ST8SIA6: variants seen among roughly 807,000 people sequenced by gnomAD.
The protein encoded by ST8SIA6 is alpha-2,8-sialyltransferase 8F.
In ST8SIA6, 39 loss-of-function variants were observed where a neutral mutation model predicts 33.6. The observed-to-expected ratio is 1.16, with a 90% CI of 0.90 to 1.52. ST8SIA6 has a LOEUF of 1.52. ST8SIA6 is among the 40% of genes most tolerant of loss of function. The pLI, the probability that ST8SIA6 is intolerant of heterozygous loss-of-function variation, is 0.00. For missense variants in ST8SIA6, 441 were observed against 443.8 expected (o/e 0.99, Z 0.06); for synonymous variants, 172 against 167.2 (o/e 1.03, Z -0.22).
intron 2 of ST8SIA6, among the ~76,000 whole-genome samples, chr10:17,397,392 G>A (rs1850850765): frequency 6.6e-6 from 1 of 151,914 alleles, no homozygotes; most frequent in South Asian, 2.1e-4. Context: ...CTGCCACCAC[G>A]ACTGGCTAAT....
At chr10:17,391,326 A>G (rs931773174) in intron 2 of ST8SIA6, among the ~76,000 whole-genome samples, 9 of 151,822 alleles carry the variant, frequency 5.9e-5, no homozygotes. Flanking sequence ...GCAGTGGTGC[A>G]TCTCGACTCA....
intron 2 of ST8SIA6, among the ~76,000 whole-genome samples, chr10:17,438,413 T>C (rs1045023973): frequency 6.6e-6 from 1 of 152,110 alleles, no homozygotes; most frequent in Non-Finnish European, 1.5e-5. Flanking sequence ...GGACCCCAGC[T>C]GGTAACATAT....
At chr10:17,432,835 C>T (rs1445728443) in intron 2 of ST8SIA6, among the ~76,000 whole-genome samples, 1 of 152,230 alleles carries the variant, frequency 6.6e-6, no homozygotes, top group Non-Finnish European at 1.5e-5. Context: ...ATCCCAGCGG[C>T]CATACTTCAA....
chr10:17,338,617 T>C (rs1206919373), intron 4 of ST8SIA6, among the ~76,000 whole-genome samples: 2 of 152,330 alleles, frequency 1.3e-5, no homozygotes, highest in South Asian at 2.1e-4. Flanking sequence ...TATCATACAA[T>C]GTACATATAA....
intron 2 of ST8SIA6, among the ~76,000 whole-genome samples, chr10:17,418,908 G>A (rs985167220): frequency 2.1e-5 from 3 of 145,714 alleles, no homozygotes; most frequent in Non-Finnish European, 3.0e-5. Flanking sequence ...CAGGAGAATC[G>A]CTTGAACCTG....
At chr10:17,435,902 T>C (rs1401371808) in intron 2 of ST8SIA6, among the ~76,000 whole-genome samples, 1 of 152,194 alleles carries the variant, frequency 6.6e-6, no homozygotes, top group African/African-American at 2.4e-5. Flanking sequence ...TCTGTGAAAG[T>C]TGATTATGTG....
At chr10:17,373,154 T>C (rs964924429) in intron 3 of ST8SIA6, among the ~76,000 whole-genome samples, 1 of 152,290 alleles carries the variant, frequency 6.6e-6, no homozygotes, top group East Asian at 1.9e-4. Context: ...TCACCTCTGA[T>C]TGGACGGAGG....
At position 17,404,765 on chromosome 10, in the gene ST8SIA6, ATC is replaced by A. The variant is rs1377037565; in HGVS notation, c.201-14147_201-14146del. 3.3e-5 allele frequency among the ~76,000 whole-genome samples: 5 copies of A among 151,982 alleles called. No individual in the cohort carries two copies. The South Asian group carries it at 8.3e-4, about 25-fold the overall frequency. ...TTCCTTGTATTCGAAGTTGACCCCA[ATC>A]TCTCTTTCCTACTGCAAACCTCATT... On this transcript the variant is annotated intron_variant, in intron 2 of 7. Coordinates refer to ENST00000377602, the MANE Select transcript of ST8SIA6 (RefSeq NM_001004470.3).
chr10:17,365,537 C>G (rs545245014), intron 3 of ST8SIA6, among the ~76,000 whole-genome samples: 3 of 152,282 alleles, frequency 2.0e-5, no homozygotes, highest in East Asian at 3.9e-4. Flanking sequence ...TCATCCTGCT[C>G]CATCCTGCCT....
chr10:17,444,805 G>C (rs985848814), intron 2 of ST8SIA6, among the ~76,000 whole-genome samples: 5 of 152,148 alleles, frequency 3.3e-5, no homozygotes, highest in Non-Finnish European at 5.9e-5. Context: ...AACAGAGATG[G>C]GGGAGAAACC....
At chr10:17,395,061 G>A (rs1850759137) in intron 2 of ST8SIA6, among the ~76,000 whole-genome samples, 1 of 152,130 alleles carries the variant, frequency 6.6e-6, no homozygotes, top group Non-Finnish European at 1.5e-5. Flanking sequence ...CCCTGTCGGA[G>A]ATAATTGAAT....
chr10:17,360,779 C>G (rs544628538), intron 3 of ST8SIA6, among the ~76,000 whole-genome samples: 1 of 152,034 alleles, frequency 6.6e-6, no homozygotes, highest in South Asian at 2.1e-4. Context: ...AAATAGAGAA[C>G]AAACAGCAAG....
In ST8SIA6 at chr10:17,359,527, ATTC is replaced by A; in HGVS notation, c.361_363del (p.Glu121del). ...GAAAAAAATTACCTAAAATTTGCAT[ATTC>A]TTCTGCTTGCCGTTTCCATGGACAA... On this transcript the variant is annotated inframe_deletion, in exon 4 of 8. Transcript: ENST00000377602. The A allele has an allele frequency of 1.9e-6, 3 of 1,604,428 alleles. No homozygotes were observed. The highest frequency in any genetic ancestry group is 2.3e-5 in the South Asian group (2 of 88,518).
intron 3 of ST8SIA6, among the ~76,000 whole-genome samples, chr10:17,367,347 A>G (rs1240283289): frequency 1.3e-5 from 2 of 152,186 alleles, no homozygotes; most frequent in Non-Finnish European, 2.9e-5. Flanking sequence ...TTATAAAACC[A>G]TCAGATCTCT....
intron 2 of ST8SIA6, among the ~76,000 whole-genome samples, chr10:17,436,746 T>C (rs61844068): frequency 0.39 from 58,532 of 151,278 alleles, 15,000 homozygotes; most frequent in African/African-American, 0.73. Context: ...TGTATATGTG[T>C]CACATTTTCT....
At chr10:17,394,181 G>A (rs1034413020) in intron 2 of ST8SIA6, among the ~76,000 whole-genome samples, 5 of 151,860 alleles carry the variant, frequency 3.3e-5, no homozygotes, top group East Asian at 1.9e-4. Flanking sequence ...GTTTAGTTGC[G>A]CAAACTAAAA....
Position 17,323,081 on chromosome 10 carries a change from T to C in ST8SIA6, c.712A>G (p.Ser238Gly). 2.5e-6 allele frequency: 4 copies of C among 1,613,248 alleles called. No individual in the cohort carries two copies. Among genetic ancestry groups the C allele is most frequent in the Non-Finnish European group, 3.4e-6 (4 of 1,179,478 alleles). ...SKTNLVTINP[S>G]IITLKYGNLK... ...GCTACTTACTTCAGAGTTATGATGC[T>C]TGGATTTATAGTCACAAGATTTGTT... Residue 238 changes from serine to glycine, a missense_variant, in exon 7 of 8, where the codon AGC becomes GGC. Transcript: ENST00000377602.
intron 4 of ST8SIA6, among the ~76,000 whole-genome samples, chr10:17,350,741 C>T (rs1376930737): frequency 6.6e-6 from 1 of 152,020 alleles, no homozygotes; most frequent in Non-Finnish European, 1.5e-5. Flanking sequence ...ATCCCAGCAA[C>T]CTACAGGGGA....
intron 2 of ST8SIA6, among the ~76,000 whole-genome samples, chr10:17,444,426 T>C (rs912250840): frequency 6.6e-6 from 1 of 152,148 alleles, no homozygotes; most frequent in Non-Finnish European, 1.5e-5. Context: ...AAATTCCACC[T>C]CCAACAACCT....
Sources: gnomAD v4.1 joint callset for allele counts (sites outside exome capture counted in the v4.1 genomes callset) on GRCh38, gnomAD v4.1.1 for gene constraint, MANE v1.5 for transcripts, NCBI Gene and HGNC (gene_info 2026-07-23, HGNC 2026-07-21) for gene names.